CARS1: variants seen among roughly 807,000 people sequenced by gnomAD.
CARS1 encodes cysteine--tRNA ligase, cytoplasmic.
CARS1 carries 48 observed loss-of-function variants against 106.2 expected under a neutral mutation model. The ratio of observed to expected loss-of-function variants is 0.45; its 90% CI spans 0.36 to 0.57. The LOEUF is 0.57. Ranked by LOEUF, CARS1 falls within the 20% of genes least tolerant of loss-of-function variation. The pLI is 0.00. For synonymous variants in CARS1, 409 were observed against 403.4 expected (o/e 1.01, Z -0.17); for missense variants, 968 against 1,057.2 (o/e 0.92, Z 1.17).
In CARS1 at chr11:3,042,124, C is replaced by T. The variant is rs1008290702; in HGVS notation, c.366+41G>A. On this transcript the variant is annotated intron_variant, in intron 3 of 22. Coordinates refer to ENST00000380525, the MANE Select transcript of CARS1 (RefSeq NM_001014437.3). ...CATGGGCTGTCCTGCCTCCTGCCTC[C>T]CCATTGTGTGCGTGTGCCACGGCAT... The T allele has an allele frequency of 4.0e-6, 6 of 1,482,148 alleles. No individual in the cohort carries two copies. In the Admixed American group the frequency reaches 8.4e-5, roughly 21 times the overall value. 91.8% of individuals were successfully genotyped at this position (1,482,148 alleles called of 1,614,324 possible). A position where few individuals can be genotyped will look rare whatever the true frequency, so the allele number is the denominator to read the frequency against.
In CARS1 at chr11:3,052,567, C is replaced by T. The variant is rs1457349219; in HGVS notation, c.26-4566G>A. 1.3e-5 allele frequency among the ~76,000 whole-genome samples: 2 copies of T among 151,968 alleles called. No homozygotes were observed. Among genetic ancestry groups the T allele is most frequent in the African/African-American group, 2.4e-5 (1 of 41,356 alleles). ...TGGATCACATAATTCTTAAATGTAC[C>T]GTCTAGAGCAGGCTAGACGGCTCAT... On this transcript the variant is annotated intron_variant, in intron 1 of 22. Transcript: ENST00000380525. The surrounding 1 kb of genome is among the most constrained non-coding windows in gnomAD (Gnocchi z 4.6).
chr11:3,024,946 AC>A (rs1407329322), intron 10 of CARS1, among the ~76,000 whole-genome samples: 1 of 152,188 alleles, frequency 6.6e-6, no homozygotes, highest in Non-Finnish European at 1.5e-5. Flanking sequence ...AAGCCTGTTA[AC>A]TGTATTTCAA....
intron 17 of CARS1, among the ~76,000 whole-genome samples, chr11:3,013,659 G>T (rs1354694329): frequency 3.3e-5 from 5 of 151,880 alleles, no homozygotes; most frequent in Non-Finnish European, 5.9e-5. Context: ...GACTAGCCTG[G>T]CCAACATAGT....
chr11:3,035,485 T>C (rs1853500111), intron 7 of CARS1, among the ~76,000 whole-genome samples: 2 of 152,046 alleles, frequency 1.3e-5, no homozygotes, highest in Admixed American at 6.5e-5. Flanking sequence ...TGCATAGACA[T>C]TTCTTTCTTT....
Position 3,017,899 on chromosome 11 carries a change from T to A in CARS1, c.1685A>T (p.Gln562Leu). Residue 562 changes from glutamine (Q) to leucine (L), a missense_variant, in exon 15 of 23, where the codon CAG becomes CTG. Coordinates refer to ENST00000380525, the MANE Select transcript of CARS1 (RefSeq NM_001014437.3). This position sits in a 1 kb window ranked among gnomAD's most constrained non-coding sequence, Gnocchi z 4.9. ...TTCTTCTTCTCCCCACTTCTCAAAC[T>A]GACCAGTGATGTCAACAGGAGCGCG... ...ILRAPVDITGQFEKWGEEEAE... is the reference protein window; with the variant it reads ...ILRAPVDITGLFEKWGEEEAE... 6.2e-7 allele frequency: 1 copy of A among 1,613,938 alleles called. No individual in the cohort carries two copies.
chr11:3,042,120 C>A (rs1394043878), intron 3 of CARS1, 45 bp downstream of exon 3: 11 of 1,447,548 alleles, frequency 7.6e-6, no homozygotes, highest in Admixed American at 6.8e-5. Flanking sequence ...CTGCCTCCTG[C>A]CTCCCCATTG....
intron 9 of CARS1, chr11:3,027,770 G>C: frequency 2.2e-6 from 1 of 452,984 alleles, no homozygotes; most frequent in South Asian, 1.6e-5. Flanking sequence ...TGGTCTAGTG[G>C]TAACGCCAGC....
Position 3,022,827 on chromosome 11 carries a change from T to G in CARS1, c.1154-2495A>C, listed in dbSNP as rs1041591161. Among the ~76,000 whole-genome samples the G allele has an allele frequency of 3.3e-5, 5 of 152,040 alleles. No homozygotes were observed. The highest frequency in any genetic ancestry group is 5.9e-5 in the Non-Finnish European group (4 of 68,006). On this transcript the variant is annotated intron_variant, in intron 10 of 22. Coordinates refer to ENST00000380525, the MANE Select transcript of CARS1 (RefSeq NM_001014437.3). The surrounding 1 kb of genome is among the most constrained non-coding windows in gnomAD (Gnocchi z 4.9). ...GGAGCTGTCATCATCTAGGACCACTTGGGCCCCAGCATCACCCCTCCCCTT... is the reference window on the plus strand; with the variant it reads ...GGAGCTGTCATCATCTAGGACCACTGGGGCCCCAGCATCACCCCTCCCCTT...
chr11:3,030,046 C>CGGCG lies in CARS1; in HGVS notation c.802-604_802-603insCGCC. 1 of 152,638 alleles carries CGGCG rather than the reference C, an allele frequency of 6.6e-6. No individual in the cohort carries two copies. The highest frequency in any genetic ancestry group is 1.5e-5 in the Non-Finnish European group (1 of 68,342). The allele number at this position is 152,638 out of a possible 1,614,324, so 9.5% of individuals were successfully genotyped here. On this transcript the variant is annotated intron_variant, in intron 7 of 22. Coordinates refer to ENST00000380525, the MANE Select transcript of CARS1 (RefSeq NM_001014437.3). This position sits in a 1 kb window ranked among gnomAD's most constrained non-coding sequence, Gnocchi z 5.7. Reference sequence around the variant, plus strand: ...GACCACACACACTCTAGGCATGAGACACGCCCCAACTGCACTCATGTCAGA... The same window carrying CGGCG: ...GACCACACACACTCTAGGCATGAGACGGCGACGCCCCAACTGCACTCATGTCAGA...
rs1322657451 is a variant in CARS1, at chr11:3,021,967, C to T, written c.1154-1635G>A. On this transcript the variant is annotated intron_variant, in intron 10 of 22. Transcript: ENST00000380525. This position sits in a 1 kb window ranked among gnomAD's most constrained non-coding sequence, Gnocchi z 5.3. ...TTATATCTGATTTTTTAAAAATACGCTTTGAAAAAATTGATAACAGAGAAC... is the reference window on the plus strand; with the variant it reads ...TTATATCTGATTTTTTAAAAATACGTTTTGAAAAAATTGATAACAGAGAAC... 6.6e-6 allele frequency among the ~76,000 whole-genome samples: 1 copy of T among 152,208 alleles called. No homozygotes were observed. Among genetic ancestry groups the T allele is most frequent in the African/African-American group, 2.4e-5 (1 of 41,440 alleles).
intron 18 of CARS1, among the ~76,000 whole-genome samples, chr11:3,011,486 C>T (rs993808107): frequency 7.9e-5 from 12 of 151,604 alleles, no homozygotes; most frequent in Non-Finnish European, 1.3e-4. Context: ...CGGTGGCAGG[C>T]GCCTGTAGTC....
rs780566638 is a variant in CARS1, at chr11:3,019,234, T to C, written c.1300A>G (p.Met434Val). The change falls in exon 12 of 23, where the codon ATG (methionine) becomes GTG (valine). Residue 434 changes from methionine (M) to valine (V), a missense_variant. Physicochemically the swap from Met to Val is conservative, Grantham distance 21. Transcript: ENST00000380525. The surrounding 1 kb of genome is among the most constrained non-coding windows in gnomAD (Gnocchi z 6.2). ...GAAGCCCCTAGGAGGGTGCCTGCCA[T>C]GGCCGAGCACTCGATATGCCAGCCC... Reference protein sequence around the residue: ...RPGWHIECSAMAGTLLGASMD... With the variant: ...RPGWHIECSAVAGTLLGASMD... The C allele has an allele frequency of 1.3e-6, 2 of 1,483,474 alleles. No individual in the cohort carries two copies. The highest frequency in any genetic ancestry group is 1.4e-5 in the South Asian group (1 of 70,744). The allele number at this position is 1,483,474 out of a possible 1,614,324, so 91.9% of individuals were successfully genotyped here.
At chr11:3,001,630 A>T (rs1229677940) in intron 22 of CARS1, among the ~76,000 whole-genome samples, 1 of 152,212 alleles carries the variant, frequency 6.6e-6, no homozygotes, top group Non-Finnish European at 1.5e-5. Context: ...TGACAAAGGA[A>T]GAAACTGGGG....
Position 3,057,395 on chromosome 11 carries a change from G to C in CARS1, c.-28C>G. The C allele has an allele frequency of 1.9e-6, 3 of 1,605,574 alleles. No homozygotes were observed. Among genetic ancestry groups the C allele is most frequent in the South Asian group, 2.2e-5 (2 of 90,632 alleles). ...CTGGGAATCCCGGACCCGCAGCTGC[G>C]GCTACAGACACTTCCTAGAATCTGA... On this transcript the variant is annotated 5_prime_UTR_variant, in exon 1 of 23. Transcript: ENST00000380525.
rs147127246 is a variant in CARS1, at chr11:3,026,762, G to T, written c.1067C>A (p.Ala356Glu). 2.5e-6 allele frequency: 4 copies of T among 1,613,702 alleles called. No homozygotes were observed. The highest frequency in any genetic ancestry group is 3.4e-6 in the Non-Finnish European group (4 of 1,179,836). ...GTGCTTCTCGCTAGAAGCAAACTTC[G>T]CTGTATCAAAGTAGACAGACCCATT... is the stretch of plus-strand genomic sequence containing the variant. The part of the protein sequence containing the change: ...VSNGSVYFDT[A>E]KFASSEKHSY... The change falls in exon 10 of 23, where the codon GCG (alanine) becomes GAG (glutamate). Residue 356 changes from alanine (A) to glutamate (E), a missense_variant. Physicochemically the swap from Ala to Glu is moderately radical, Grantham distance 107. Transcript: ENST00000380525.
chr11:3,023,661 C>T (rs1426826778), intron 10 of CARS1, among the ~76,000 whole-genome samples: 2 of 151,648 alleles, frequency 1.3e-5, no homozygotes, highest in African/African-American at 2.4e-5. Flanking sequence ...TCCCAAAGTG[C>T]TGAATTATAG....
Position 3,001,194 on chromosome 11 carries a change from T to G in CARS1, c.2416A>C (p.Lys806Gln). The G allele has an allele frequency of 6.2e-7, 1 of 1,614,076 alleles. No individual in the cohort carries two copies. Among genetic ancestry groups the G allele is most frequent in the Non-Finnish European group, 8.5e-7 (1 of 1,180,008 alleles). The part of the protein sequence containing the change: ...GKELSKGQAK[K>Q]LKKLFEAQEK... Reference sequence around the variant, plus strand: ...TGAGCCTCGAAGAGCTTCTTCAGCTTCTTGGCTTGCCCTTTGCTGAGCTCT... The same window carrying G: ...TGAGCCTCGAAGAGCTTCTTCAGCTGCTTGGCTTGCCCTTTGCTGAGCTCT... Residue 806 changes from lysine (K) to glutamine (Q), a missense_variant, in exon 23 of 23, where the codon AAG becomes CAG. Lys to Gln is a moderately conservative substitution (Grantham distance 53). Transcript: ENST00000380525.
At chr11:3,001,292 G>C (rs753772466) in intron 22 of CARS1, 44 bp from the exon 23 acceptor site, 3 of 1,604,430 alleles carry the variant, frequency 1.9e-6, no homozygotes, top group Middle Eastern at 3.3e-4. Flanking sequence ...CTCTGCACCT[G>C]GGTAACCCCA....
intron 1 of CARS1, among the ~76,000 whole-genome samples, chr11:3,051,528 C>CTAAA (rs1303524790): frequency 6.6e-6 from 1 of 152,212 alleles, no homozygotes; most frequent in Non-Finnish European, 1.5e-5. Context: ...AAAACTAACT[C>CTAAA]TAAATAAATA....
Sources: allele counts gnomAD v4.1 joint callset (sites outside exome capture counted in the v4.1 genomes callset), GRCh38; gene constraint gnomAD v4.1.1; non-coding constraint Gnocchi (gnomAD v3.1); transcripts MANE v1.5; gene names NCBI Gene and HGNC (gene_info 2026-07-23, HGNC 2026-07-21).